The following PTGER3 variants were observed in gnomAD, a reference collection of about 807,000 sequenced individuals.
PTGER3 encodes the protein prostaglandin E receptor 3.
In PTGER3, 22 loss-of-function variants were observed where a neutral mutation model predicts 34.7. The ratio of observed to expected loss-of-function variants is 0.63; its 90% CI spans 0.45 to 0.91. The LOEUF is 0.91. PTGER3 is among the 40% of genes least tolerant of loss of function. The pLI, the probability that PTGER3 is intolerant of heterozygous loss-of-function variation, is 0.00. For missense variants in PTGER3, 468 were observed against 519.4 expected, an observed-to-expected ratio of 0.90 and a Z score of 0.96; for synonymous variants, 241 against 230.1, an observed-to-expected ratio of 1.05 and a Z score of -0.43.
downstream of PTGER3, among the ~76,000 whole-genome samples, chr1:70,968,797 A>G (rs1408615903): frequency 6.6e-6 from 1 of 151,784 alleles, no homozygotes; most frequent in African/African-American, 2.4e-5. Flanking sequence ...TTGGACAAAG[A>G]TATTTCTCAT....
chr1:70,968,090 G>A (rs971041525), downstream of PTGER3, among the ~76,000 whole-genome samples: 1 of 152,144 alleles, frequency 6.6e-6, no homozygotes, highest in Admixed American at 6.5e-5. Flanking sequence ...GCACAGCTGA[G>A]TTTTTTGTTT....
At chr1:71,029,229 C>T (rs1054844683) in intron 1 of PTGER3, among the ~76,000 whole-genome samples, 3 of 152,122 alleles carry the variant, frequency 2.0e-5, no homozygotes, top group Non-Finnish European at 4.4e-5. Flanking sequence ...TCATTTATTG[C>T]GTGATTTCTT....
chr1:70,993,139 C>G (rs1267547722), intron 2 of PTGER3, among the ~76,000 whole-genome samples: 1 of 152,080 alleles, frequency 6.6e-6, no homozygotes, highest in African/African-American at 2.4e-5. Flanking sequence ...TCTTATGAAC[C>G]TCACTTCTCT....
At chr1:71,046,081 C>T (rs1378285335) in intron 1 of PTGER3, among the ~76,000 whole-genome samples, 5 of 150,618 alleles carry the variant, frequency 3.3e-5, no homozygotes, top group Admixed American at 3.3e-4. Context: ...ATCACGAGGT[C>T]AGGAGATCGA....
intron 4 of PTGER3, among the ~76,000 whole-genome samples, chr1:70,920,756 T>G (rs1647444440): frequency 6.6e-6 from 1 of 152,234 alleles, no homozygotes; most frequent in Non-Finnish European, 1.5e-5. Context: ...TGTTTTCCCT[T>G]CTGAAACAGG....
chr1:70,926,631 G>A (rs1438789509), intron 4 of PTGER3, among the ~76,000 whole-genome samples: 2 of 152,066 alleles, frequency 1.3e-5, no homozygotes, highest in Non-Finnish European at 2.9e-5. Flanking sequence ...TGCAAACAGG[G>A]ACAATTTGAC....
chr1:71,026,473 A>C (rs1331928858), intron 1 of PTGER3, among the ~76,000 whole-genome samples: 1 of 152,140 alleles, frequency 6.6e-6, no homozygotes, highest in Non-Finnish European at 1.5e-5. Context: ...TCACTTAAAT[A>C]ATGGTTAGTA....
intron 1 of PTGER3, among the ~76,000 whole-genome samples, chr1:71,045,811 T>C (rs968450621): frequency 6.6e-6 from 1 of 151,898 alleles, no homozygotes; most frequent in African/African-American, 2.4e-5. Flanking sequence ...GGGCACTTCC[T>C]AGAGGGTCAA....
In PTGER3 at chr1:71,017,011, T is replaced by C. The variant is rs540567312; in HGVS notation, c.898-4527A>G. 1.1e-4 allele frequency among the ~76,000 whole-genome samples: 16 copies of C among 152,168 alleles called. No homozygotes were observed. The East Asian group carries it at 2.9e-3, about 28-fold the overall frequency. ...ATGAGCTGAATGCTACCCCCCATCA[T>C]AGAAGGCAGAATAATGCCCCTCCTG... On this transcript the variant is annotated intron_variant, in intron 1 of 3. Transcript: ENST00000306666.
intron 4 of PTGER3, among the ~76,000 whole-genome samples, chr1:70,919,609 AC>A (rs1425023407): frequency 3.3e-5 from 5 of 152,204 alleles, no homozygotes; most frequent in East Asian, 3.8e-4. Flanking sequence ...ACCCACAGTG[AC>A]TAAAATTCAG....
At chr1:70,870,030 T>C (rs375747437) in intron 4 of PTGER3, among the ~76,000 whole-genome samples, 64 of 152,334 alleles carry the variant, frequency 4.2e-4, no homozygotes, top group African/African-American at 1.5e-3. Context: ...ATAGAGGTTC[T>C]CTGTGAGGGC....
rs1660984897 is a variant in PTGER3 at position 71,047,623 on chromosome 1, G to C, written c.-46C>G. 1 of 1,474,686 alleles carries C rather than the reference G, an allele frequency of 6.8e-7. No homozygotes were observed. Among genetic ancestry groups the C allele is most frequent in the East Asian group, 2.5e-5 (1 of 40,262 alleles). 91.4% of individuals were successfully genotyped at this position (1,474,686 alleles called of 1,614,324 possible). A position where few individuals can be genotyped will look rare whatever the true frequency, so the allele number is the denominator to read the frequency against. The stretch of plus-strand genomic sequence containing the variant: ...GGGATGGCGTCCAGAGAGCCGCAGC[G>C]GGAGGGGGCAGACGCGGCGCGGGCG... On this transcript the variant is annotated 5_prime_UTR_variant, in exon 1 of 4. Coordinates refer to ENST00000306666, the MANE Select transcript of PTGER3 (RefSeq NM_198719.2).
At chr1:70,864,910 T>C (rs1242326513) in intron 4 of PTGER3, among the ~76,000 whole-genome samples, 1 of 152,168 alleles carries the variant, frequency 6.6e-6, no homozygotes, top group Non-Finnish European at 1.5e-5. Context: ...TATTGCTTCT[T>C]TGATTTTCAC....
At chr1:70,889,565 C>T (rs1189316103) in intron 4 of PTGER3, among the ~76,000 whole-genome samples, 1 of 151,956 alleles carries the variant, frequency 6.6e-6, no homozygotes, top group East Asian at 1.9e-4. Context: ...ATAAATATTA[C>T]CATGGCTCAC....
chr1:70,988,953 G>A (rs1037138688), intron 2 of PTGER3, among the ~76,000 whole-genome samples: 2 of 152,088 alleles, frequency 1.3e-5, no homozygotes, highest in Non-Finnish European at 2.9e-5. Flanking sequence ...AAGGCTTTGG[G>A]AGTTAACATG....
chr1:70,915,644 A>G (rs1192177779), intron 4 of PTGER3, among the ~76,000 whole-genome samples: 1 of 152,010 alleles, frequency 6.6e-6, no homozygotes, highest in Non-Finnish European at 1.5e-5. Flanking sequence ...TGTCTCAAAT[A>G]TAATTGTCCA....
intron 4 of PTGER3, among the ~76,000 whole-genome samples, chr1:70,858,891 A>G (rs2100462661): frequency 6.6e-6 from 1 of 152,360 alleles, no homozygotes; most frequent in South Asian, 2.1e-4. Context: ...AGAAATAATT[A>G]GTGTTCACTA....
intron 4 of PTGER3, among the ~76,000 whole-genome samples, chr1:70,885,117 A>C (rs984297155): frequency 4.1e-4 from 62 of 151,902 alleles, no homozygotes; most frequent in Non-Finnish European, 1.5e-4. Flanking sequence ...TACTTCTTTT[A>C]GTGACCAGGA....
chr1:70,927,783 A>G (rs916341896), intron 4 of PTGER3, among the ~76,000 whole-genome samples: 11 of 152,136 alleles, frequency 7.2e-5, no homozygotes, highest in African/African-American at 2.7e-4. Context: ...GAAAATATGA[A>G]ACAGCCAAGT....
Sources: gnomAD v4.1 joint callset for allele counts (sites outside exome capture counted in the v4.1 genomes callset) on GRCh38, gnomAD v4.1.1 for gene constraint, MANE v1.5 for transcripts, NCBI Gene and HGNC (gene_info 2026-07-23, HGNC 2026-07-21) for gene names.